The following PDE4D variants were observed in gnomAD, a reference collection of about 807,000 sequenced individuals.
PDE4D encodes the protein 3',5'-cyclic-AMP phosphodiesterase 4D.
A neutral mutation model predicts 87.4 loss-of-function variants in PDE4D; 24 were observed. The ratio of observed to expected loss-of-function variants is 0.27; its 90% CI spans 0.20 to 0.39. PDE4D has a LOEUF of 0.39. Among genes scored for constraint, PDE4D ranks in the 10% least tolerant of loss-of-function variants. The pLI is 1.00. For missense variants in PDE4D, 714 were observed against 1,041.0 expected, an observed-to-expected ratio of 0.69 and a Z score of 4.32; for synonymous variants, 384 against 383.2, an observed-to-expected ratio of 1.00 and a Z score of -0.02.
chr5:60,509,362 G>A (rs1033522336), intron 1 of PDE4D, among the ~76,000 whole-genome samples: 3 of 152,166 alleles, frequency 2.0e-5, no homozygotes, highest in Non-Finnish European at 4.4e-5. Context: ...ATACACATGT[G>A]GCACTGCTTA....
rs10043558 is a variant in PDE4D at position 59,980,511 on chromosome 5, G to C, written c.272+7977C>G. On this transcript the variant is annotated intron_variant, in intron 3 of 16. Transcript: ENST00000502484. ...AGATGCTCTGATGTTGGTGAACGCAGAAGTTGTCACCCTCTTTAGTGTTTT... is the reference window on the plus strand; with the variant it reads ...AGATGCTCTGATGTTGGTGAACGCACAAGTTGTCACCCTCTTTAGTGTTTT... 4.6e-5 allele frequency among the ~76,000 whole-genome samples: 7 copies of C among 152,198 alleles called. No homozygotes were observed. In the East Asian group the frequency reaches 7.7e-4, roughly 17 times the overall value.
Position 58,975,033 on chromosome 5 carries a change from T to C in PDE4D, c.2061A>G (p.Ala687=). The C allele has an allele frequency of 6.3e-7, 1 of 1,593,508 alleles. No homozygotes were observed. The highest frequency in any genetic ancestry group is 1.7e-4 in the Middle Eastern group (1 of 5,948). ...YIVHPLWETW[A]DLVHPDAQDI... The stretch of plus-strand genomic sequence containing the variant: ...CCTGGGCGTCAGGGTGGACGAGGTC[T>C]GCCCATGTCTCCCAGAGGGGATGAA... The change falls in exon 15 of 15, where the codon GCA becomes GCG. Residue 687 remains alanine (A), a synonymous_variant. Coordinates refer to ENST00000340635, the MANE Select transcript of PDE4D (RefSeq NM_001104631.2). This position sits in a 1 kb window ranked among gnomAD's most constrained non-coding sequence, Gnocchi z 4.2.
intron 3 of PDE4D, among the ~76,000 whole-genome samples, chr5:59,910,308 G>T (rs770524348): frequency 4.1e-4 from 62 of 152,148 alleles, no homozygotes; most frequent in Admixed American, 5.9e-4. Flanking sequence ...ATTTTGAAAT[G>T]ATTAAATCAA....
intron 2 of PDE4D, among the ~76,000 whole-genome samples, chr5:60,048,590 G>C (rs1251195978): frequency 6.6e-6 from 1 of 151,930 alleles, no homozygotes; most frequent in East Asian, 1.9e-4. Flanking sequence ...GCATTTGCTT[G>C]TCTGTAAAGG....
intron 1 of PDE4D, among the ~76,000 whole-genome samples, chr5:59,784,740 C>T (rs1158058519): frequency 6.6e-6 from 1 of 152,130 alleles, no homozygotes; most frequent in African/African-American, 2.4e-5. Flanking sequence ...TGTGTCCCCA[C>T]CCAAATCTCA....
At chr5:60,488,467 C>G (rs1196091468), upstream of PDE4D, 1 of 151,388 alleles carries the variant, frequency 6.6e-6, no homozygotes, top group African/African-American at 2.4e-5. Flanking sequence ...ATAATGCAGA[C>G]TGAAAGTGAT....
chr5:59,650,715 G>A (rs1200028022), intron 1 of PDE4D, among the ~76,000 whole-genome samples: 1 of 152,106 alleles, frequency 6.6e-6, no homozygotes, highest in Admixed American at 6.6e-5. Context: ...TATTGTAGCA[G>A]CTTGATAAAA....
At chr5:59,253,201 CTATT>C (rs1165721887) in intron 1 of PDE4D, among the ~76,000 whole-genome samples, 8 of 152,092 alleles carry the variant, frequency 5.3e-5, no homozygotes, top group Admixed American at 2.0e-4. Context: ...AGCATAATCT[CTATT>C]TGTTTCTTTA....
intron 1 of PDE4D, among the ~76,000 whole-genome samples, chr5:60,366,638 C>T (rs1760571098): frequency 6.6e-6 from 1 of 152,200 alleles, no homozygotes; most frequent in African/African-American, 2.4e-5. Flanking sequence ...AGATATCCCT[C>T]CCTCTGGGCT....
intron 2 of PDE4D, among the ~76,000 whole-genome samples, chr5:60,068,515 T>C (rs1772354869): frequency 6.6e-6 from 1 of 152,056 alleles, no homozygotes; most frequent in African/African-American, 2.4e-5. Flanking sequence ...CTTTATCAGA[T>C]ATACGGTTTG....
intron 1 of PDE4D, among the ~76,000 whole-genome samples, chr5:59,296,831 C>T (rs1006048919): frequency 6.6e-5 from 10 of 151,958 alleles, no homozygotes; most frequent in Non-Finnish European, 1.5e-4. Flanking sequence ...AGGTTAAACT[C>T]GCAAGGTTAG....
At chr5:59,943,650 C>T (rs1031984090) in intron 3 of PDE4D, among the ~76,000 whole-genome samples, 2 of 152,324 alleles carry the variant, frequency 1.3e-5, no homozygotes, top group East Asian at 1.9e-4. Flanking sequence ...AAATACTCTG[C>T]AGTTCCAGCA....
intron 1 of PDE4D, among the ~76,000 whole-genome samples, chr5:60,399,778 G>A (rs1486233202): frequency 1.3e-5 from 2 of 152,250 alleles, no homozygotes; most frequent in Non-Finnish European, 2.9e-5. Flanking sequence ...GGCTCCCCAA[G>A]CTGGCTCTCT....
intron 2 of PDE4D, among the ~76,000 whole-genome samples, chr5:60,095,009 C>G (rs1775524749): frequency 6.6e-6 from 1 of 152,000 alleles, no homozygotes; most frequent in Non-Finnish European, 1.5e-5. Flanking sequence ...ACAAAAATAT[C>G]TACATAATAT....
intron 2 of PDE4D, among the ~76,000 whole-genome samples, chr5:60,155,175 G>T (rs1781856874): frequency 6.6e-6 from 1 of 152,172 alleles, no homozygotes; most frequent in South Asian, 2.1e-4. Flanking sequence ...CTGCCAAAGA[G>T]TTTTTCAAGC....
At chr5:60,302,444 A>G (rs901373751) in intron 1 of PDE4D, among the ~76,000 whole-genome samples, 1 of 152,048 alleles carries the variant, frequency 6.6e-6, no homozygotes, top group Non-Finnish European at 1.5e-5. Context: ...AGTTTTTCCA[A>G]TATATATACA....
intron 5 of PDE4D, among the ~76,000 whole-genome samples, chr5:59,107,888 C>T (rs949578885): frequency 3.3e-5 from 5 of 152,084 alleles, no homozygotes; most frequent in Non-Finnish European, 7.4e-5. Flanking sequence ...TTCTGACTAC[C>T]TTGCTGGAGA....
intron 1 of PDE4D, among the ~76,000 whole-genome samples, chr5:59,301,901 A>G (rs576332358): frequency 6.6e-6 from 1 of 152,242 alleles, no homozygotes; most frequent in South Asian, 2.1e-4. Context: ...AACAGGAAAC[A>G]TCTTGAGCTT....
intron 1 of PDE4D, among the ~76,000 whole-genome samples, chr5:59,621,856 A>AAATT (rs1830389739): frequency 6.6e-6 from 1 of 152,228 alleles, no homozygotes. Flanking sequence ...CAAAGTTTCC[A>AAATT]AATTTTCTGT....
Sources: allele counts gnomAD v4.1 joint callset (sites outside exome capture counted in the v4.1 genomes callset), GRCh38; gene constraint gnomAD v4.1.1; non-coding constraint Gnocchi (gnomAD v3.1); transcripts MANE v1.5; gene names NCBI Gene and HGNC (gene_info 2026-07-23, HGNC 2026-07-21).